The following KTN1 variants were observed in gnomAD, a reference collection of about 807,000 sequenced individuals.
The protein encoded by KTN1 is kinectin 1.
A neutral mutation model predicts 222.5 loss-of-function variants in KTN1; 130 were observed. The observed-to-expected ratio is 0.58, with a 90% CI of 0.51 to 0.68. The LOEUF is 0.68. Among genes scored for constraint, KTN1 ranks in the 30% least tolerant of loss-of-function variants. The pLI is 0.00. For missense variants in KTN1, 1,508 were observed against 1,500.4 expected (o/e 1.01, Z -0.08); for synonymous variants, 512 against 496.3 (o/e 1.03, Z -0.42).
intron 40 of KTN1, chr14:55,674,668 AG>A (rs1480080507): frequency 6.6e-6 from 1 of 152,094 alleles, no homozygotes; most frequent in Non-Finnish European, 1.5e-5. Flanking sequence ...TTTGGTGCTT[AG>A]TGGCTGACTC....
intron 1 of KTN1, among the ~76,000 whole-genome samples, chr14:55,606,132 A>G (rs2036694760): frequency 6.6e-6 from 1 of 152,160 alleles, no homozygotes; most frequent in Non-Finnish European, 1.5e-5. Flanking sequence ...ATAACCTATA[A>G]TAATAGCTTT....
In KTN1 at chr14:55,630,034, A is replaced by T; in HGVS notation, c.1158A>T (p.Glu386Asp). 4 of 1,601,146 alleles carry T rather than the reference A, an allele frequency of 2.5e-6. No homozygotes were observed. The change falls in exon 7 of 44, where the codon GAA (glutamate) becomes GAT (aspartate). Residue 386 changes from glutamate to aspartate, a missense_variant. Transcript: ENST00000395314. ...MKDRIGTLEK[E>D]HNVFQNKIHV... ...ATCGAATTGGAACATTAGAAAAGGA[A>T]CATAATGTATTTCAAAACAAAATAC... is the stretch of plus-strand genomic sequence containing the variant.
At chr14:55,664,255 T>G (rs2044458782) in intron 33 of KTN1, among the ~76,000 whole-genome samples, 1 of 152,212 alleles carries the variant, frequency 6.6e-6, no homozygotes, top group Non-Finnish European at 1.5e-5. Flanking sequence ...TTGTTTGGGC[T>G]TTGTTGAGCA....
chr14:55,637,509 C>A, intron 11 of KTN1, 145 bp downstream of exon 11: 1 of 693,126 alleles, frequency 1.4e-6, no homozygotes. Flanking sequence ...GAGCACTTGT[C>A]ACAATATGGT....
Position 55,679,596 on chromosome 14 carries a change from G to C in KTN1, c.3980G>C (p.Ser1327Thr), listed in dbSNP as rs2046188027. Reference sequence around the variant, plus strand: ...TCTGAGAAGGAGACAATGTCTGTAAGTCTAAATCAGACTGTAACACAGTTA... The same window carrying C: ...TCTGAGAAGGAGACAATGTCTGTAACTCTAAATCAGACTGTAACACAGTTA... Reference protein sequence around the residue: ...ESSEKETMSVSLNQTVTQLQQ... With the variant: ...ESSEKETMSVTLNQTVTQLQQ... Residue 1327 changes from serine (S) to threonine (T), a missense_variant, in exon 43 of 44, where the codon AGT (serine) becomes ACT (threonine). Physicochemically the swap from Ser to Thr is moderately conservative, Grantham distance 58. Coordinates refer to ENST00000395314, the MANE Select transcript of KTN1 (RefSeq NM_001079521.2). 4 of 1,611,556 alleles carry C rather than the reference G, an allele frequency of 2.5e-6. No homozygotes were observed. The highest frequency in any genetic ancestry group is 2.5e-6 in the Non-Finnish European group (3 of 1,177,762).
chr14:55,661,045 T>G, intron 31 of KTN1, among the ~76,000 whole-genome samples: 1 of 152,178 alleles, frequency 6.6e-6, no homozygotes, highest in East Asian at 1.9e-4. Flanking sequence ...ATGTTGAGAT[T>G]GGTATGAAAA....
At chr14:55,605,250 A>G (rs1594793277) in intron 1 of KTN1, among the ~76,000 whole-genome samples, 1 of 152,126 alleles carries the variant, frequency 6.6e-6, no homozygotes, top group Non-Finnish European at 1.5e-5. Context: ...CCTTGCAACT[A>G]TTTTTAACCT....
chr14:55,597,485 G>A (rs1259269376), intron 1 of KTN1, among the ~76,000 whole-genome samples: 7 of 152,140 alleles, frequency 4.6e-5, no homozygotes, highest in Admixed American at 2.0e-4. Flanking sequence ...TGCTGTTTGC[G>A]TAGATGTCGA....
chr14:55,611,050 T>TA (rs1377114777), intron 1 of KTN1, among the ~76,000 whole-genome samples: 2 of 152,212 alleles, frequency 1.3e-5, no homozygotes, highest in African/African-American at 4.8e-5. Context: ...GGGGTGCCTT[T>TA]AAAAAACTGA....
chr14:55,582,969 G>C, intron 1 of KTN1, among the ~76,000 whole-genome samples: 1 of 152,116 alleles, frequency 6.6e-6, no homozygotes, highest in Non-Finnish European at 1.5e-5. Flanking sequence ...AAAGAGAATT[G>C]CATTTCATTG....
intron 1 of KTN1, among the ~76,000 whole-genome samples, chr14:55,594,803 T>C (rs1394693352): frequency 6.6e-6 from 1 of 152,162 alleles, no homozygotes; most frequent in Non-Finnish European, 1.5e-5. Flanking sequence ...ACATAAAATA[T>C]AATGTAGTAT....
At chr14:55,580,793 G>C (rs2031296481) in intron 1 of KTN1, among the ~76,000 whole-genome samples, 1 of 152,184 alleles carries the variant, frequency 6.6e-6, no homozygotes, top group Non-Finnish European at 1.5e-5. Flanking sequence ...GCCGGTGGAC[G>C]GAGGCAGCGC....
chr14:55,586,016 C>T lies in KTN1; in HGVS notation c.-31+5662C>T, dbSNP rs1023610852. Among the ~76,000 whole-genome samples the T allele has an allele frequency of 6.6e-5, 10 of 152,120 alleles. No individual in the cohort carries two copies. The East Asian group carries it at 7.7e-4, about 12-fold the overall frequency. On this transcript the variant is annotated intron_variant, in intron 1 of 43. Transcript: ENST00000395314. ...GAGACATGATGTTACACTGCATTTT[C>T]GCTGGAAAATGTGGGACAATTATTA...
intron 24 of KTN1, among the ~76,000 whole-genome samples, chr14:55,651,132 T>A (rs1047362986): frequency 1.8e-4 from 28 of 152,192 alleles, no homozygotes; most frequent in Non-Finnish European, 3.1e-4. Context: ...GAAGAGATGA[T>A]TCATTCATCT....
chr14:55,652,062 T>G (rs1402314995), intron 25 of KTN1, 135 bp downstream of exon 25: 1 of 598,946 alleles, frequency 1.7e-6, no homozygotes, highest in Non-Finnish European at 2.9e-6. Context: ...TCAAAACTCC[T>G]AAGGGCCCTA....
In KTN1 at chr14:55,667,344, A is replaced by ATTATT. The variant is rs2044901503; in HGVS notation, c.3267+17_3267+21dup. 14 of 1,439,620 alleles carry ATTATT rather than the reference A, an allele frequency of 9.7e-6. No individual in the cohort carries two copies. The highest frequency in any genetic ancestry group is 1.4e-5 in the African/African-American group (1 of 70,198). The allele number at this position is 1,439,620 out of a possible 1,614,324, so 89.2% of individuals were successfully genotyped here. A position where few individuals can be genotyped will look rare whatever the true frequency, so the allele number is the denominator to read the frequency against. ...CCTTCTAATTTGGTAAGACTAATTTATTATTTTTTTAACATGATGACATTA... is the reference window on the plus strand; with the variant it reads ...CCTTCTAATTTGGTAAGACTAATTTATTATTTTATTTTTTTAACATGATGACATTA... On this transcript the variant is annotated intron_variant, in intron 34 of 43. Coordinates refer to ENST00000395314, the MANE Select transcript of KTN1 (RefSeq NM_001079521.2).
At chr14:55,595,456 T>C (rs2034862274) in intron 1 of KTN1, among the ~76,000 whole-genome samples, 1 of 1,008 alleles carries the variant, frequency 9.9e-4, no homozygotes, top group African/African-American at 1.6e-3. Flanking sequence ...TCTAACCAGG[T>C]AACTCAGAGT....
intron 1 of KTN1, among the ~76,000 whole-genome samples, chr14:55,588,205 C>G (rs2033417072): frequency 6.6e-6 from 1 of 152,036 alleles, no homozygotes; most frequent in Admixed American, 6.6e-5. Context: ...TATAATAAAG[C>G]TAAAGAAAAG....
chr14:55,588,885 T>G (rs1594694966), intron 1 of KTN1, among the ~76,000 whole-genome samples: 1 of 152,348 alleles, frequency 6.6e-6, no homozygotes, highest in East Asian at 1.9e-4. Flanking sequence ...GACATTTTTC[T>G]TAATTTTTTT....
Sources: gnomAD v4.1 joint callset for allele counts (sites outside exome capture counted in the v4.1 genomes callset) on GRCh38, gnomAD v4.1.1 for gene constraint, MANE v1.5 for transcripts, NCBI Gene and HGNC (gene_info 2026-07-23, HGNC 2026-07-21) for gene names.